SLC4A4: variants seen among roughly 807,000 people sequenced by gnomAD.
SLC4A4 encodes the protein electrogenic sodium bicarbonate cotransporter 1.
Under a neutral mutation model 111.5 loss-of-function variants are expected in SLC4A4, and 27 were observed. The observed-to-expected ratio is 0.24, with a 90% CI of 0.18 to 0.33. The LOEUF (loss-of-function observed/expected upper bound fraction) is 0.33. Ranked by LOEUF, SLC4A4 falls within the 10% of genes least tolerant of loss-of-function variation. The pLI, the probability that SLC4A4 is intolerant of heterozygous loss-of-function variation, is 1.00. For missense variants in SLC4A4, 909 were observed against 1,315.5 expected, an observed-to-expected ratio of 0.69 and a Z score of 4.78; for synonymous variants, 443 against 463.4, an observed-to-expected ratio of 0.96 and a Z score of 0.57.
intron 1 of SLC4A4, among the ~76,000 whole-genome samples, chr4:71,188,073 T>A (rs1745571397): frequency 6.6e-6 from 1 of 152,208 alleles, no homozygotes; most frequent in Non-Finnish European, 1.5e-5. Context: ...GGGCAGCATG[T>A]GAGTCTTGGC....
intron 18 of SLC4A4, among the ~76,000 whole-genome samples, chr4:71,538,772 A>G (rs1474539496): frequency 6.6e-6 from 1 of 151,968 alleles, no homozygotes; most frequent in African/African-American, 2.4e-5. Context: ...ACACCTCAGT[A>G]TTGATGTAGG....
rs371217209 is a variant in SLC4A4, at chr4:71,512,208, A to G, written c.2166+14516A>G. 1.2e-4 allele frequency among the ~76,000 whole-genome samples: 18 copies of G among 152,266 alleles called. No homozygotes were observed. In the South Asian group the frequency reaches 3.1e-3, roughly 26 times the overall value. On this transcript the variant is annotated intron_variant, in intron 16 of 25. Transcript: ENST00000264485. ...TTTGGGAAATCTCAATAGTGTTTCC[A>G]TAGTGACTGTGGTAGTCTACCACAG... is the stretch of plus-strand genomic sequence containing the variant.
intron 6 of SLC4A4, among the ~76,000 whole-genome samples, chr4:71,362,695 T>G (rs528368215): frequency 6.6e-6 from 1 of 152,344 alleles, no homozygotes; most frequent in East Asian, 1.9e-4. Context: ...CGTAATAATT[T>G]GTTCCCTTCA....
intron 2 of SLC4A4, among the ~76,000 whole-genome samples, chr4:71,252,296 T>C (rs1721120947): frequency 6.6e-6 from 1 of 152,220 alleles, no homozygotes; most frequent in South Asian, 2.1e-4. Flanking sequence ...ATTGTCCCTT[T>C]GAGACAGCAT....
chr4:71,569,305 G>A lies in SLC4A4; in HGVS notation c.*1554G>A, dbSNP rs960954818. The A allele has an allele frequency of 1.3e-5, 2 of 151,682 alleles. No individual in the cohort carries two copies. The highest frequency in any genetic ancestry group is 4.8e-5 in the African/African-American group (2 of 41,384). The allele number at this position is 151,682 out of a possible 1,614,324, so 9.4% of individuals were successfully genotyped here. The stretch of plus-strand genomic sequence containing the variant: ...TATAAAATTCATAGGAGTATTAATA[G>A]CCCATTTACACATCTATAAAATGTA... On this transcript the variant is annotated 3_prime_UTR_variant, in exon 26 of 26. Transcript: ENST00000264485.
intron 4 of SLC4A4, among the ~76,000 whole-genome samples, chr4:71,340,118 G>A (rs1560423511): frequency 1.3e-5 from 2 of 152,022 alleles, no homozygotes; most frequent in South Asian, 4.1e-4. Context: ...CAGCTACTCA[G>A]GAGGCTGAAG....
chr4:71,454,459 G>A (rs1660278641), intron 12 of SLC4A4, among the ~76,000 whole-genome samples: 1 of 152,108 alleles, frequency 6.6e-6, no homozygotes, highest in Admixed American at 6.6e-5. Flanking sequence ...AAAAGGACCA[G>A]ATTGAAGCCC....
chr4:71,191,394 T>C (rs566870304), intron 1 of SLC4A4, among the ~76,000 whole-genome samples: 1 of 152,324 alleles, frequency 6.6e-6, no homozygotes, highest in Non-Finnish European at 1.5e-5. Flanking sequence ...CTTATTGAGA[T>C]GAAGAGGAAA....
rs192368002 is a variant in SLC4A4 at position 71,084,617 on chromosome 4, A to T, written c.-64-8113A>T. Among the ~76,000 whole-genome samples, 182 of 151,468 alleles carry T rather than the reference A, an allele frequency of 1.2e-3. 3 individuals carry two copies. Among genetic ancestry groups the T allele is most frequent in the African/African-American group, 4.3e-3 (177 of 41,040 alleles). On this transcript the variant is annotated intron_variant, in intron 1 of 26. Transcript: ENST00000649996. ...CCCCTTCCTGTGTCCATGTGTTCTC[A>T]TTGTTCAATTCCCACCTCTGAGTAA...
intron 7 of SLC4A4, among the ~76,000 whole-genome samples, chr4:71,409,406 G>T (rs929270352): frequency 1.3e-5 from 2 of 152,190 alleles, no homozygotes; most frequent in African/African-American, 2.4e-5. Context: ...TGTGTAACTT[G>T]TTGGGAACTG....
chr4:71,334,307 C>T lies in SLC4A4; in HGVS notation c.254-5063C>T, dbSNP rs76366601. Among the ~76,000 whole-genome samples, 1,262 of 151,746 alleles carry T rather than the reference C, an allele frequency of 8.3e-3. 23 individuals carry two copies. The highest frequency in any genetic ancestry group is 0.027 in the African/African-American group (1,134 of 41,348). ...GCCCAGGGTATGTCTAAAAATGTCA[C>T]CTGGGAGCTAGGGCCTGGAATTGGG... On this transcript the variant is annotated intron_variant, in intron 3 of 25. Coordinates refer to ENST00000264485, the MANE Select transcript of SLC4A4 (RefSeq NM_001098484.3).
intron 16 of SLC4A4, among the ~76,000 whole-genome samples, chr4:71,513,809 AT>A (rs1279285061): frequency 2.6e-5 from 4 of 152,154 alleles, no homozygotes; most frequent in African/African-American, 9.6e-5. Context: ...TGTTCCTTCT[AT>A]TCCTAGTTTA....
chr4:71,268,260 G>T (rs1432737198), intron 3 of SLC4A4, among the ~76,000 whole-genome samples: 1 of 152,014 alleles, frequency 6.6e-6, no homozygotes, highest in African/African-American at 2.4e-5. Flanking sequence ...AGTATAGAAG[G>T]TTGGAGGGGC....
chr4:71,223,237 G>A (rs146600560), intron 1 of SLC4A4, among the ~76,000 whole-genome samples: 606 of 151,006 alleles, frequency 4.0e-3, no homozygotes, highest in Middle Eastern at 0.01. Context: ...GTGCAGTGGC[G>A]CGATCTCAGC....
Position 71,339,369 on chromosome 4 carries a change from GTC to G in SLC4A4, c.258_259del (p.Pro87CysfsTer14). Reference protein sequence around the residue: ...ESSSSILKPLISPAAERIRFI... With the variant: ...ESSSSILKPLXSPAAERIRFI... ...TAACCACAGTATTTTCACTTCTGCA[GTC>G]TCTCCTGCTGCAGAACGCATCCGAT... On this transcript the variant is annotated frameshift_variant and splice_region_variant, in exon 4 of 26. Transcript: ENST00000264485. LOFTEE classifies it high-confidence loss of function. The G allele has an allele frequency of 6.2e-7, 1 of 1,614,182 alleles. No individual in the cohort carries two copies. Among genetic ancestry groups the G allele is most frequent in the Non-Finnish European group, 8.5e-7 (1 of 1,180,036 alleles).
At chr4:71,120,474 T>A (rs898655395) in intron 2 of SLC4A4, among the ~76,000 whole-genome samples, 3 of 152,230 alleles carry the variant, frequency 2.0e-5, no homozygotes, top group Non-Finnish European at 4.4e-5. Flanking sequence ...ATCAGGGAAA[T>A]CCTGCTTCTG....
chr4:71,140,576 C>T (rs1389962576), intron 2 of SLC4A4, among the ~76,000 whole-genome samples: 1 of 152,142 alleles, frequency 6.6e-6, no homozygotes, highest in African/African-American at 2.4e-5. Flanking sequence ...TTGATTTTTC[C>T]TTCCAAAGCT....
intron 1 of SLC4A4, among the ~76,000 whole-genome samples, chr4:71,197,793 T>A (rs1348782293): frequency 6.6e-6 from 1 of 152,220 alleles, no homozygotes; most frequent in East Asian, 1.9e-4. Flanking sequence ...TATTTATTAA[T>A]CACTGATTAT....
chr4:71,329,679 A>G (rs984839112), intron 3 of SLC4A4, among the ~76,000 whole-genome samples: 1 of 152,162 alleles, frequency 6.6e-6, no homozygotes, highest in Non-Finnish European at 1.5e-5. Flanking sequence ...GTGTCATGCA[A>G]CTTAACTGAA....
Sources: gnomAD v4.1 joint callset for allele counts (sites outside exome capture counted in the v4.1 genomes callset) on GRCh38, gnomAD v4.1.1 for gene constraint, MANE v1.5 for transcripts, NCBI Gene and HGNC (gene_info 2026-07-23, HGNC 2026-07-21) for gene names.